The following PSD3 variants were observed in gnomAD, a reference collection of about 807,000 sequenced individuals.
PSD3 encodes pleckstrin and Sec7 domain containing 3.
PSD3 carries 49 observed loss-of-function variants against 105.5 expected under a neutral mutation model. The observed-to-expected ratio is 0.46, with a 90% CI of 0.37 to 0.59. The LOEUF (loss-of-function observed/expected upper bound fraction) is 0.59, where lower values mean the gene tolerates loss of function less well. PSD3 is among the 20% of genes least tolerant of loss of function. The pLI is 0.00. For missense variants in PSD3, 1,561 were observed against 1,263.8 expected, an observed-to-expected ratio of 1.24 and a Z score of -3.57; for synonymous variants, 557 against 457.8, an observed-to-expected ratio of 1.22 and a Z score of -2.77.
intron 1 of PSD3, among the ~76,000 whole-genome samples, chr8:18,987,032 C>T (rs908279812): frequency 6.6e-6 from 1 of 152,076 alleles, no homozygotes; most frequent in Non-Finnish European, 1.5e-5. Context: ...TTGCAACCTC[C>T]GGCACAAATG....
intron 1 of PSD3, among the ~76,000 whole-genome samples, chr8:18,983,508 C>G (rs977825059): frequency 6.6e-6 from 1 of 152,190 alleles, no homozygotes; most frequent in Non-Finnish European, 1.5e-5. Flanking sequence ...GAAAAACATG[C>G]AACTGTTCCT....
intron 2 of PSD3, among the ~76,000 whole-genome samples, chr8:18,908,108 C>T (rs143620526): frequency 2.7e-4 from 41 of 152,040 alleles, no homozygotes; most frequent in African/African-American, 9.9e-4. Context: ...AGCCAAATGC[C>T]AATAAGATAA....
intron 11 of PSD3, among the ~76,000 whole-genome samples, chr8:18,626,404 C>A (rs1461590555): frequency 6.6e-6 from 1 of 152,054 alleles, no homozygotes; most frequent in East Asian, 1.9e-4. Flanking sequence ...AGCACCTGGC[C>A]AGGTTTAAAT....
chr8:18,780,501 T>A (rs764910982), intron 8 of PSD3, among the ~76,000 whole-genome samples: 1 of 152,176 alleles, frequency 6.6e-6, no homozygotes, highest in African/African-American at 2.4e-5. Flanking sequence ...TCTCCTCTTA[T>A]CATTGTGGTT....
rs1204767320 is a variant in PSD3, at chr8:18,956,826, C to G, written c.22-20684G>C. ...CATGGTTTGGCTTTTCCTGGCCTCC[C>G]TACCCCTAATCTCCTCTGACCTCAT... On this transcript the variant is annotated intron_variant, in intron 1 of 15. Transcript: ENST00000327040. 2.0e-5 allele frequency among the ~76,000 whole-genome samples: 3 copies of G among 152,234 alleles called. No individual in the cohort carries two copies. In the East Asian group the frequency reaches 5.8e-4, roughly 29 times the overall value.
intron 9 of PSD3, among the ~76,000 whole-genome samples, chr8:18,704,480 G>C (rs567330883): frequency 9.2e-5 from 14 of 152,144 alleles, no homozygotes; most frequent in Non-Finnish European, 1.8e-4. Flanking sequence ...TAGGATTACA[G>C]GGACGTGCCA....
At chr8:18,862,927 T>G (rs1341116721) in intron 4 of PSD3, among the ~76,000 whole-genome samples, 8 of 149,734 alleles carry the variant, frequency 5.3e-5, no homozygotes, top group Non-Finnish European at 1.2e-4. Context: ...AAATATCAAA[T>G]TCAGAGTGGG....
Position 18,788,691 on chromosome 8 carries a change from T to C in PSD3, c.2082+10604A>G, listed in dbSNP as rs1291545488. Among the ~76,000 whole-genome samples, 8 of 152,190 alleles carry C rather than the reference T, an allele frequency of 5.3e-5. No homozygotes were observed. The East Asian group carries it at 1.5e-3, about 29-fold the overall frequency. On this transcript the variant is annotated intron_variant, in intron 8 of 15. Coordinates refer to ENST00000327040, the MANE Select transcript of PSD3 (RefSeq NM_015310.4). ...CATCCATTGGTAAAATCTGGCTTCA[T>C]AAATCTCAGGATATTAAAAACACAG...
At chr8:18,737,156 A>G (rs918717745) in intron 9 of PSD3, among the ~76,000 whole-genome samples, 8 of 152,120 alleles carry the variant, frequency 5.3e-5, no homozygotes, top group African/African-American at 1.9e-4. Flanking sequence ...GCTGTGCACT[A>G]TTTTGCTGGT....
At chr8:18,821,296 G>C (rs947262556) in intron 4 of PSD3, among the ~76,000 whole-genome samples, 5 of 151,630 alleles carry the variant, frequency 3.3e-5, no homozygotes, top group Non-Finnish European at 5.9e-5. Context: ...TTTCAGTGTA[G>C]CTAAATGAGA....
At chr8:19,031,192 C>T (rs1200566255) in intron 1 of PSD3, among the ~76,000 whole-genome samples, 4 of 152,166 alleles carry the variant, frequency 2.6e-5, no homozygotes, top group Non-Finnish European at 5.9e-5. Context: ...CATTCACCAA[C>T]ATATTTTGTC....
chr8:18,780,431 G>T (rs1323637229), intron 8 of PSD3, among the ~76,000 whole-genome samples: 7 of 151,952 alleles, frequency 4.6e-5, no homozygotes, highest in African/African-American at 1.7e-4. Context: ...TTATTATTCA[G>T]TACTTAATTC....
chr8:19,037,843 C>A (rs559370358), intron 1 of PSD3, among the ~76,000 whole-genome samples: 15 of 151,874 alleles, frequency 9.9e-5, no homozygotes, highest in African/African-American at 2.2e-4. Context: ...GATCATGAGA[C>A]TTTTTGGCCT....
At chr8:18,745,063 T>C (rs1422717204) in intron 9 of PSD3, among the ~76,000 whole-genome samples, 3 of 152,242 alleles carry the variant, frequency 2.0e-5, no homozygotes, top group Admixed American at 6.5e-5. Context: ...CATCAGAGGC[T>C]TCATGATGTT....
At chr8:19,052,643 T>C (rs1306889637) in intron 1 of PSD3, among the ~76,000 whole-genome samples, 7 of 152,184 alleles carry the variant, frequency 4.6e-5, no homozygotes. Context: ...TCATTGTTAA[T>C]TCAGCTAATT....
intron 9 of PSD3, among the ~76,000 whole-genome samples, chr8:18,749,287 G>A (rs533715789): frequency 1.1e-4 from 16 of 152,242 alleles, no homozygotes; most frequent in African/African-American, 3.9e-4. Context: ...CACAACCAGA[G>A]TCCCTTCTAC....
At chr8:18,962,644 G>C (rs151026391) in intron 1 of PSD3, among the ~76,000 whole-genome samples, 1 of 152,126 alleles carries the variant, frequency 6.6e-6, no homozygotes, top group Non-Finnish European at 1.5e-5. Context: ...ACAGCATCCT[G>C]CCCAGAAGTT....
At chr8:18,935,346 G>T (rs998628291) in intron 2 of PSD3, among the ~76,000 whole-genome samples, 1 of 151,922 alleles carries the variant, frequency 6.6e-6, no homozygotes, top group Non-Finnish European at 1.5e-5. Flanking sequence ...AATCATTGTG[G>T]AAATGTTTCC....
intron 1 of PSD3, among the ~76,000 whole-genome samples, chr8:18,996,101 C>T (rs1586598959): frequency 6.6e-6 from 1 of 152,018 alleles, no homozygotes; most frequent in East Asian, 1.9e-4. Flanking sequence ...GATCCAAGGA[C>T]ACCGGTTTCT....
Sources: allele counts gnomAD v4.1 joint callset (sites outside exome capture counted in the v4.1 genomes callset), GRCh38; gene constraint gnomAD v4.1.1; transcripts MANE v1.5; gene names NCBI Gene and HGNC (gene_info 2026-07-23, HGNC 2026-07-21).